ADGRV1: variants seen among roughly 807,000 people sequenced by gnomAD.
ADGRV1 encodes the protein adhesion G protein-coupled receptor V1.
In ADGRV1, 359 loss-of-function variants were observed where a neutral mutation model predicts 596.2. That is an observed-to-expected ratio of 0.60 (90% CI 0.55 to 0.66). ADGRV1 has a LOEUF of 0.66. Ranked by LOEUF, ADGRV1 falls within the 30% of genes least tolerant of loss-of-function variation. ADGRV1 has a pLI of 0.00. For synonymous variants in ADGRV1, 2,681 were observed against 2,679.2 expected (o/e 1.00, Z -0.02); for missense variants, 7,274 against 7,575.6 (o/e 0.96, Z 1.48).
intron 17 of ADGRV1, 33 bp downstream of exon 17, chr5:90,647,797 G>A (rs1370906707): frequency 6.3e-7 from 1 of 1,582,994 alleles, no homozygotes; most frequent in Non-Finnish European, 8.6e-7. Context: ...TGGCAGATCT[G>A]CCTCAGTGCT....
At position 90,596,144 on chromosome 5, in the gene ADGRV1, C is replaced by A. The variant is rs1224789936; in HGVS notation, c.23-18691C>A. Among the ~76,000 whole-genome samples, 5 of 148,960 alleles carry A rather than the reference C, an allele frequency of 3.4e-5. No homozygotes were observed. In the East Asian group the frequency reaches 1.0e-3, roughly 30 times the overall value. On this transcript the variant is annotated intron_variant, in intron 1 of 89. Transcript: ENST00000405460. ...GGCCGGGCAGAGGCGCTCCTCACAT[C>A]CCAGACAGGGCGGCGGGGCAGAGGC...
chr5:90,811,029 A>T lies in ADGRV1; in HGVS notation c.15769A>T (p.Ile5257Leu), dbSNP rs184829061. Residue 5257 changes from isoleucine to leucine, a missense_variant, in exon 74 of 90, where the codon ATA (isoleucine) becomes TTA (leucine). Physicochemically the swap from Ile to Leu is conservative, Grantham distance 5. Coordinates refer to ENST00000405460, the MANE Select transcript of ADGRV1 (RefSeq NM_032119.4). ...TGGTGGGTTTACTGGCAATGTCAGC[A>T]TAACAGTTAAAACTTTCGGTGAAAG... is the stretch of plus-strand genomic sequence containing the variant. ...RTGGFTGNVS[I>L]TVKTFGERCA... 3.1e-6 allele frequency: 5 copies of T among 1,613,930 alleles called. No individual in the cohort carries two copies. Among genetic ancestry groups the T allele is most frequent in the Non-Finnish European group, 3.4e-6 (4 of 1,179,914 alleles).
In ADGRV1 at chr5:90,810,880, T is replaced by G; in HGVS notation, c.15620T>G (p.Val5207Gly). The G allele has an allele frequency of 6.2e-7, 1 of 1,614,058 alleles. No individual in the cohort carries two copies. Among genetic ancestry groups the G allele is most frequent in the Non-Finnish European group, 8.5e-7 (1 of 1,179,894 alleles). ...CCTGCTGTGTCTGAAAAGCCTGATGTGGCCACTGTAACTGCCAATGTTTCC... is the reference window on the plus strand; with the variant it reads ...CCTGCTGTGTCTGAAAAGCCTGATGGGGCCACTGTAACTGCCAATGTTTCC... ...GTPAVSEKPD[V>G]ATVTANVSIH... The change falls in exon 74 of 90, where the codon GTG (valine) becomes GGG (glycine). Residue 5207 changes from valine (V) to glycine (G), a missense_variant. Transcript: ENST00000405460.
chr5:91,057,384 A>T (rs1289061680), intron 85 of ADGRV1, among the ~76,000 whole-genome samples: 3 of 152,240 alleles, frequency 2.0e-5, no homozygotes, highest in African/African-American at 7.2e-5. Context: ...GTTTGGCTAC[A>T]ATTAAAAACT....
chr5:91,125,617 A>G (rs1381330517), intron 87 of ADGRV1, among the ~76,000 whole-genome samples: 1 of 152,224 alleles, frequency 6.6e-6, no homozygotes, highest in Non-Finnish European at 1.5e-5. Context: ...ATAACACATA[A>G]TATGCTTAGC....
intron 87 of ADGRV1, among the ~76,000 whole-genome samples, chr5:91,137,442 A>G (rs142281275): frequency 1.6e-3 from 247 of 152,296 alleles, no homozygotes; most frequent in Middle Eastern, 0.014. Context: ...ACTGCCTCAT[A>G]TTGTAACTGA....
At chr5:90,974,177 C>T (rs1779334665) in intron 84 of ADGRV1, among the ~76,000 whole-genome samples, 1 of 152,094 alleles carries the variant, frequency 6.6e-6, no homozygotes, top group South Asian at 2.1e-4. Context: ...GAACTACAAA[C>T]CACTGCTCAA....
intron 18 of ADGRV1, 96 bp from the exon 19 acceptor site, chr5:90,652,250 A>G (rs930914495): frequency 5.8e-6 from 5 of 865,688 alleles, no homozygotes; most frequent in Non-Finnish European, 8.6e-6. Context: ...TTCTTTTAAG[A>G]CAATAGATAG....
chr5:90,603,390 G>T (rs548151665), intron 1 of ADGRV1, among the ~76,000 whole-genome samples: 1 of 152,296 alleles, frequency 6.6e-6, no homozygotes, highest in African/African-American at 2.4e-5. Flanking sequence ...GGAGCTTGTG[G>T]ATGTATGGGT....
chr5:91,008,801 T>A (rs1477772409), intron 85 of ADGRV1, among the ~76,000 whole-genome samples: 4 of 152,166 alleles, frequency 2.6e-5, no homozygotes, highest in African/African-American at 9.6e-5. Context: ...ATGTCTGGCC[T>A]GTATAATTTT....
intron 65 of ADGRV1, among the ~76,000 whole-genome samples, chr5:90,782,887 A>G (rs546172724): frequency 9.8e-5 from 15 of 152,300 alleles, no homozygotes; most frequent in Admixed American, 8.5e-4. Flanking sequence ...GATTAAATAC[A>G]TTGTTTAAAT....
intron 63 of ADGRV1, 105 bp downstream of exon 63, chr5:90,778,714 C>T: frequency 1.9e-6 from 2 of 1,067,148 alleles, no homozygotes; most frequent in Non-Finnish European, 2.6e-6. Flanking sequence ...TAATTTGCTC[C>T]AAACATCATT....
chr5:91,100,187 C>T (rs895374879), intron 86 of ADGRV1, among the ~76,000 whole-genome samples: 4 of 152,124 alleles, frequency 2.6e-5, no homozygotes. Flanking sequence ...TTTGGGAGGC[C>T]AAGGCATGCG....
chr5:90,679,648 G>T lies in ADGRV1; in HGVS notation c.5524+19G>T. The stretch of plus-strand genomic sequence containing the variant: ...AAACGTGGTAAGCAGTTTTTCCAAG[G>T]TCCTTTACTATTATAGGTTTTTATT... On this transcript the variant is annotated intron_variant, in intron 26 of 89. Transcript: ENST00000405460. 6.4e-7 allele frequency: 1 copy of T among 1,567,330 alleles called. No homozygotes were observed. Among genetic ancestry groups the T allele is most frequent in the Non-Finnish European group, 8.8e-7 (1 of 1,138,752 alleles).
chr5:90,842,030 G>A (rs1765476777), intron 78 of ADGRV1, among the ~76,000 whole-genome samples: 1 of 152,182 alleles, frequency 6.6e-6, no homozygotes, highest in Non-Finnish European at 1.5e-5. Flanking sequence ...CAATGGCGTA[G>A]GACAATGCCA....
At chr5:90,646,573 G>A (rs891245977) in intron 16 of ADGRV1, among the ~76,000 whole-genome samples, 3 of 151,792 alleles carry the variant, frequency 2.0e-5, no homozygotes, top group Admixed American at 6.6e-5. Flanking sequence ...AAATTTCTTC[G>A]TTTTGCCACT....
intron 83 of ADGRV1, among the ~76,000 whole-genome samples, chr5:90,953,452 G>A (rs928752408): frequency 9.2e-5 from 14 of 152,082 alleles, no homozygotes; most frequent in Admixed American, 3.9e-4. Flanking sequence ...AATATTTTAG[G>A]ACAGTTCTGG....
intron 84 of ADGRV1, among the ~76,000 whole-genome samples, chr5:90,979,769 C>T (rs953355964): frequency 6.6e-6 from 1 of 152,112 alleles, no homozygotes; most frequent in African/African-American, 2.4e-5. Context: ...AAAATGTAAC[C>T]TCTCCTTTTA....
chr5:90,730,861 A>G (rs1752457850), intron 50 of ADGRV1, among the ~76,000 whole-genome samples: 1 of 152,188 alleles, frequency 6.6e-6, no homozygotes, highest in Admixed American at 6.5e-5. Context: ...GTGGCTCCAC[A>G]GGTGACTCTG....
Sources: allele counts gnomAD v4.1 joint callset (sites outside exome capture counted in the v4.1 genomes callset), GRCh38; gene constraint gnomAD v4.1.1; transcripts MANE v1.5; gene names NCBI Gene and HGNC (gene_info 2026-07-23, HGNC 2026-07-21).